LRR1: variants seen among roughly 807,000 people sequenced by gnomAD.
LRR1 encodes leucine rich repeat protein 1, also known as leucine-rich repeat protein 1.
In LRR1, 29 loss-of-function variants were observed where a neutral mutation model predicts 31.6. That is an observed-to-expected ratio of 0.92 (90% CI 0.68 to 1.25). The LOEUF (loss-of-function observed/expected upper bound fraction) is 1.25, where lower values mean the gene tolerates loss of function less well. Ranked by LOEUF, LRR1 falls within the 50% of genes most tolerant of loss-of-function variation. The probability of loss-of-function intolerance (pLI) is 0.00; values close to 1 mark genes in which losing one functional copy is unlikely to be tolerated. For missense variants in LRR1, 485 were observed against 487.2 expected (o/e 1.00, Z 0.04); for synonymous variants, 179 against 181.4 (o/e 0.99, Z 0.10).
Position 49,611,619 on chromosome 14 carries a change from A to G in LRR1, c.1005-2637A>G, listed in dbSNP as rs1261668505. ...CTATTGTTTCTCTAAGACATACATA[A>G]AAGAAATTGTAAGAATTGTAAGGCT... is the stretch of plus-strand genomic sequence containing the variant. On this transcript the variant is annotated intron_variant, in intron 3 of 3. Transcript: ENST00000298288. 2.0e-5 allele frequency among the ~76,000 whole-genome samples: 3 copies of G among 152,068 alleles called. No individual in the cohort carries two copies. In the South Asian group the frequency reaches 6.2e-4, roughly 32 times the overall value.
In LRR1 at chr14:49,607,422, G is replaced by A. The variant is rs772056764; in HGVS notation, c.305G>A (p.Gly102Asp). Residue 102 changes from glycine to aspartate, a missense_variant, in exon 3 of 4, where the codon GGT (glycine) becomes GAT (aspartate). Physicochemically the swap from Gly to Asp is moderately conservative, Grantham distance 94 (BLOSUM62 -1). Transcript: ENST00000298288. ...CAGGCCATTTCCAGCAGTTTAAAAGGTTTCCTTTCAGCTATGAGACTGGCT... is the reference window on the plus strand; with the variant it reads ...CAGGCCATTTCCAGCAGTTTAAAAGATTTCCTTTCAGCTATGAGACTGGCT... ...LSKAISSSLK[G>D]FLSAMRLAHR... The A allele has an allele frequency of 1.3e-5, 20 of 1,577,792 alleles. No individual in the cohort carries two copies. The highest frequency in any genetic ancestry group is 1.7e-5 in the Non-Finnish European group (20 of 1,165,624).
chr14:49,599,115 T>C lies in LRR1; in HGVS notation c.95T>C (p.Leu32Pro). The change falls in exon 1 of 4, where the codon CTC (leucine) becomes CCC (proline). Residue 32 changes from leucine to proline, a missense_variant. By Grantham distance (98) the Leu-to-Pro change is moderately conservative. Around this residue, in one of 3 missense-constraint regions of LRR1, gnomAD observed 260 missense variants for 249.6 expected, o/e 1.04. Coordinates refer to ENST00000298288, the MANE Select transcript of LRR1 (RefSeq NM_152329.4). ...AAGGGCGTCCGAGCCGTGTTGAGCC[T>C]CTGTCAGCAGACTTCCAGGAGTCAG... ...RGKGVRAVLS[L>P]CQQTSRSQPP... 3 of 1,608,972 alleles carry C rather than the reference T, an allele frequency of 1.9e-6. No homozygotes were observed. The highest frequency in any genetic ancestry group is 2.5e-6 in the Non-Finnish European group (3 of 1,178,088).
chr14:49,605,715 G>C (rs936650324), intron 2 of LRR1, among the ~76,000 whole-genome samples: 17 of 152,168 alleles, frequency 1.1e-4, no homozygotes, highest in African/African-American at 3.6e-4. Flanking sequence ...CTTTATTTCA[G>C]TCCTCTGCTG....
chr14:49,614,239 A>G lies in LRR1; in HGVS notation c.1005-17A>G. On this transcript the variant is annotated splice_polypyrimidine_tract_variant and intron_variant, in intron 3 of 3. Transcript: ENST00000298288. ...TAGTAACATGTTATAAAATATTTTT[A>G]TCATTCTTTCCAATAGGATTCCATA... The G allele has an allele frequency of 6.3e-7, 1 of 1,599,300 alleles. No homozygotes were observed. The highest frequency in any genetic ancestry group is 1.1e-5 in the South Asian group (1 of 89,250).
At chr14:49,606,530 G>A (rs1594587737) in intron 2 of LRR1, among the ~76,000 whole-genome samples, 2 of 151,904 alleles carry the variant, frequency 1.3e-5, no homozygotes, top group African/African-American at 4.8e-5. Context: ...GTAGAGAAGG[G>A]GTTTCACCAT....
At chr14:49,601,802 A>G (rs1882064240) in intron 1 of LRR1, among the ~76,000 whole-genome samples, 1 of 149,346 alleles carries the variant, frequency 6.7e-6, no homozygotes, top group Non-Finnish European at 1.5e-5. Flanking sequence ...TGAGGAGTAT[A>G]ACTTCCCAAC....
intron 3 of LRR1, among the ~76,000 whole-genome samples, chr14:49,608,421 T>C (rs1170557664): frequency 1.0e-4 from 9 of 90,112 alleles, no homozygotes; most frequent in East Asian, 9.1e-4. Context: ...TTTTTTTTTT[T>C]TTTTTTTTTT....
At chr14:49,609,944 G>T (rs116745775) in intron 3 of LRR1, among the ~76,000 whole-genome samples, 2,328 of 151,880 alleles carry the variant, frequency 0.015, 55 homozygotes, top group African/African-American at 0.054. Context: ...CTGACCTCAG[G>T]TGATCTGCCT....
intron 1 of LRR1, among the ~76,000 whole-genome samples, chr14:49,601,380 G>A (rs1882044516): frequency 6.6e-6 from 1 of 152,152 alleles, no homozygotes; most frequent in Non-Finnish European, 1.5e-5. Flanking sequence ...GCCCCTATTA[G>A]AGTACCTGGT....
At chr14:49,603,082 C>A (rs921351844) in intron 2 of LRR1, among the ~76,000 whole-genome samples, 1 of 151,544 alleles carries the variant, frequency 6.6e-6, no homozygotes, top group Non-Finnish European at 1.5e-5. Context: ...TGAACTCAGG[C>A]GATCCACCCA....
chr14:49,607,328 G>A, intron 2 of LRR1, 72 bp from the exon 3 acceptor site: 2 of 1,378,308 alleles, frequency 1.5e-6, no homozygotes, highest in Non-Finnish European at 9.6e-7. Context: ...CATAGAATTT[G>A]TTATGGGAAG....
Position 49,614,610 on chromosome 14 carries a change from G to GA in LRR1, c.*116dup. 2.1e-6 allele frequency: 3 copies of GA among 1,399,082 alleles called. No homozygotes were observed. Among genetic ancestry groups the GA allele is most frequent in the Non-Finnish European group, 3.0e-6 (3 of 997,390 alleles). The allele number at this position is 1,399,082 out of a possible 1,614,324, so 86.7% of individuals were successfully genotyped here. On this transcript the variant is annotated 3_prime_UTR_variant, in exon 4 of 4. Transcript: ENST00000298288. ...TTTCTGTATACTTGCTGGAGAGGAG[G>GA]AATGTGTATAGTTACTCATTTAGAT...
chr14:49,608,899 C>CTTTTTTTTT (rs34457930), intron 3 of LRR1, among the ~76,000 whole-genome samples: 4 of 71,598 alleles, frequency 5.6e-5, no homozygotes, highest in African/African-American at 2.4e-4. Context: ...ACTTTAACCT[C>CTTTTTTTTT]TTTTTTTTTT....
intron 1 of LRR1, chr14:49,600,912 AAC>A: frequency 6.8e-7 from 1 of 1,470,460 alleles, no homozygotes; most frequent in Non-Finnish European, 9.1e-7. Flanking sequence ...CTACATAAAA[AAC>A]AGAGCTGTAG....
At chr14:49,602,658 A>G (rs778202834) in intron 2 of LRR1, among the ~76,000 whole-genome samples, 190 bp downstream of exon 2, 5 of 151,964 alleles carry the variant, frequency 3.3e-5, no homozygotes, top group Non-Finnish European at 7.4e-5. Flanking sequence ...TCCCGGATAA[A>G]TTTTTAAAAT....
chr14:49,601,753 A>G (rs1474684363), intron 1 of LRR1: 1 of 1,154,036 alleles, frequency 8.7e-7, no homozygotes, highest in East Asian at 5.8e-5. Context: ...AAGGAGAGTT[A>G]CTGGACAGAC....
chr14:49,602,196 C>T (rs1209786543), intron 1 of LRR1, among the ~76,000 whole-genome samples, 174 bp from the exon 2 acceptor site: 1 of 129,426 alleles, frequency 7.7e-6, no homozygotes. Flanking sequence ...GTTGCCCAGC[C>T]TGGAGTGCAG....
At chr14:49,600,024 A>G in intron 1 of LRR1, 4 of 1,609,250 alleles carry the variant, frequency 2.5e-6, no homozygotes, top group Non-Finnish European at 3.4e-6. Context: ...GCTGATGCTC[A>G]AGTGCGTGGT....
intron 1 of LRR1, among the ~76,000 whole-genome samples, chr14:49,601,359 C>T (rs1483480154): frequency 6.6e-6 from 1 of 152,150 alleles, no homozygotes; most frequent in African/African-American, 2.4e-5. Context: ...TTATTCATTG[C>T]TATGTCCCAA....
Sources: allele counts gnomAD v4.1 joint callset (sites outside exome capture counted in the v4.1 genomes callset), GRCh38; gene constraint gnomAD v4.1.1; regional missense constraint gnomAD v4.1.1; transcripts MANE v1.5; gene names NCBI Gene and HGNC (gene_info 2026-07-23, HGNC 2026-07-21).